Variants in MS4A4A observed in about 807,000 individuals in gnomAD.
The protein encoded by MS4A4A is membrane spanning 4-domains A4A, also known as membrane-spanning 4-domains subfamily A member 4A.
MS4A4A carries 26 observed loss-of-function variants against 28.0 expected under a neutral mutation model. The ratio of observed to expected loss-of-function variants is 0.93; its 90% confidence interval spans 0.68 to 1.29. The LOEUF is 1.29. MS4A4A is among the 50% of genes most tolerant of loss of function. The pLI is 0.00. For missense variants in MS4A4A, 290 were observed against 293.1 expected, an observed-to-expected ratio of 0.99 and a Z score of 0.08; for synonymous variants, 86 against 100.8, an observed-to-expected ratio of 0.85 and a Z score of 0.88.
intron 3 of MS4A4A, among the ~76,000 whole-genome samples, chr11:60,297,698 C>A (rs958673572): frequency 2.6e-5 from 4 of 152,130 alleles, no homozygotes; most frequent in Admixed American, 6.6e-5. Flanking sequence ...CAGACCACAT[C>A]AGAGGGGAGA....
chr11:60,304,349 T>C (rs1319145203), intron 5 of MS4A4A, among the ~76,000 whole-genome samples: 1 of 152,254 alleles, frequency 6.6e-6, no homozygotes. Flanking sequence ...CTTGATCTAA[T>C]GCTCTGCTGT....
At chr11:60,283,596 T>C (rs955804732) in intron 1 of MS4A4A, among the ~76,000 whole-genome samples, 3 of 152,216 alleles carry the variant, frequency 2.0e-5, no homozygotes, top group Non-Finnish European at 4.4e-5. Context: ...GTCTTCTATT[T>C]AGGTCTTCTA....
intron 1 of MS4A4A, among the ~76,000 whole-genome samples, chr11:60,286,499 A>G (rs533793497): frequency 1.3e-5 from 2 of 152,298 alleles, no homozygotes; most frequent in South Asian, 4.1e-4. Flanking sequence ...TGTCCATGAA[A>G]TCTTCACAAT....
At chr11:60,288,221 G>A (rs1011466926) in intron 1 of MS4A4A, among the ~76,000 whole-genome samples, 6 of 152,196 alleles carry the variant, frequency 3.9e-5, no homozygotes, top group African/African-American at 4.8e-5. Context: ...ACTAGGTGGC[G>A]AAAGCCATGC....
At chr11:60,285,278 A>T (rs2084794234) in intron 1 of MS4A4A, among the ~76,000 whole-genome samples, 1 of 152,176 alleles carries the variant, frequency 6.6e-6, no homozygotes, top group African/African-American at 2.4e-5. Context: ...CTGAGACGGG[A>T]AGATCACTTG....
intron 1 of MS4A4A, among the ~76,000 whole-genome samples, chr11:60,283,103 A>G (rs1473634317): frequency 6.6e-6 from 1 of 152,128 alleles, no homozygotes; most frequent in Non-Finnish European, 1.5e-5. Context: ...AAACTATCAG[A>G]TATTTTTGAG....
At position 60,306,199 on chromosome 11, in the gene MS4A4A, G is replaced by A. The variant is rs1294895251; in HGVS notation, c.646G>A (p.Gly216Arg). ...GCKVLCCTPG[G>R]VVLILPSHSH... is the part of the protein sequence containing the mutation. ...TAAAGTGCTCTGTTGTACCCCTGGT[G>A]GGGTGAGTATTGGCCTTCATTTGAA... Residue 216 changes from glycine to arginine, a missense_variant and splice_region_variant, in exon 6 of 7, where the codon GGG becomes AGG. By Grantham distance (125) the Gly-to-Arg change is moderately radical. Transcript: ENST00000337908. 1 of 1,610,274 alleles carries A rather than the reference G, an allele frequency of 6.2e-7. No individual in the cohort carries two copies. The highest frequency in any genetic ancestry group is 8.5e-7 in the Non-Finnish European group (1 of 1,176,570).
chr11:60,291,049 A>G (rs2135017132), intron 1 of MS4A4A, among the ~76,000 whole-genome samples: 1 of 152,344 alleles, frequency 6.6e-6, no homozygotes, highest in South Asian at 2.1e-4. Flanking sequence ...CTAAAAATTT[A>G]TGGAAGTTGA....
rs2135030953 is a variant in MS4A4A, at chr11:60,302,572, T to A, written c.401T>A (p.Leu134Gln). Residue 134 changes from leucine (L) to glutamine (Q), a missense_variant, in exon 5 of 7, where the codon CTA becomes CAA. Physicochemically the swap from Leu to Gln is moderately radical, Grantham distance 113 (BLOSUM62 -2). Transcript: ENST00000337908. ...RTTKGLVRGS[L>Q]GMNITSSVLA... is the part of the protein sequence containing the mutation. ...ATTCCTTTCTAGGTCCGAGGTAGTC[T>A]AGGAATGAATATCACCAGCTCTGTA... 6.2e-7 allele frequency: 1 copy of A among 1,614,060 alleles called. No homozygotes were observed. The highest frequency in any genetic ancestry group is 8.5e-7 in the Non-Finnish European group (1 of 1,179,986).
At chr11:60,296,249 T>C (rs375457305) in intron 2 of MS4A4A, among the ~76,000 whole-genome samples, 55 of 152,156 alleles carry the variant, frequency 3.6e-4, no homozygotes, top group East Asian at 2.7e-3. Flanking sequence ...TATCAAACTG[T>C]GGGCGTAGAA....
At chr11:60,306,255 A>G (rs2085000352) in intron 6 of MS4A4A, 54 bp downstream of exon 6, 1 of 1,329,096 alleles carries the variant, frequency 7.5e-7, no homozygotes, top group Non-Finnish European at 1.1e-6. Context: ...ATTGCTGTGT[A>G]ATCGATTACA....
intron 2 of MS4A4A, 47 bp downstream of exon 2, chr11:60,292,431 T>A: frequency 6.6e-7 from 1 of 1,524,650 alleles, no homozygotes; most frequent in South Asian, 1.3e-5. Flanking sequence ...CAAACTCATA[T>A]TTCATAAGAC....
chr11:60,297,311 T>TG lies in MS4A4A; in HGVS notation c.321dup (p.Ser108ValfsTer17). ...TTCCGTGTATATCGGGTACACAATT[T>TG]GGGGGTCAGTAATGGTGAGTAGAGT... On this transcript the variant is annotated frameshift_variant, in exon 3 of 7. Transcript: ENST00000337908. LOFTEE classifies it high-confidence loss of function. 2 of 1,613,382 alleles carry TG rather than the reference T, an allele frequency of 1.2e-6. No individual in the cohort carries two copies. Among genetic ancestry groups the TG allele is most frequent in the Admixed American group, 1.7e-5 (1 of 60,004 alleles).
At chr11:60,300,356 C>A (rs1409594373) in intron 3 of MS4A4A, among the ~76,000 whole-genome samples, 1 of 152,030 alleles carries the variant, frequency 6.6e-6, no homozygotes, top group South Asian at 2.1e-4. Context: ...GTGGCTCACG[C>A]CTGTAATCCC....
chr11:60,282,184 T>C (rs971106637), intron 1 of MS4A4A, among the ~76,000 whole-genome samples: 4 of 152,204 alleles, frequency 2.6e-5, no homozygotes, highest in Admixed American at 1.3e-4. Flanking sequence ...ATATAATTGC[T>C]CTGCCCTCGA....
chr11:60,287,232 T>C (rs1267290929), intron 1 of MS4A4A, among the ~76,000 whole-genome samples: 1 of 152,240 alleles, frequency 6.6e-6, no homozygotes, highest in African/African-American at 2.4e-5. Context: ...TAATTTATTA[T>C]AAAATTGTAT....
At chr11:60,292,768 C>A (rs141348389) in intron 2 of MS4A4A, among the ~76,000 whole-genome samples, 43 of 152,224 alleles carry the variant, frequency 2.8e-4, no homozygotes, top group African/African-American at 1.0e-3. Flanking sequence ...CTTTTCTTAG[C>A]CCCCTGCTCA....
chr11:60,301,210 G>T (rs1166162174), intron 4 of MS4A4A, among the ~76,000 whole-genome samples, 153 bp downstream of exon 4: 2 of 152,188 alleles, frequency 1.3e-5, no homozygotes, highest in African/African-American at 4.8e-5. Context: ...TTCAAAAACT[G>T]CAGTCAGGCT....
At position 60,292,340 on chromosome 11, in the gene MS4A4A, G is replaced by A; in HGVS notation, c.157G>A (p.Gly53Arg). The A allele has an allele frequency of 1.2e-6, 2 of 1,608,004 alleles. No homozygotes were observed. The highest frequency in any genetic ancestry group is 1.7e-6 in the Non-Finnish European group (2 of 1,177,538). The change falls in exon 2 of 7, where the codon GGA (glycine) becomes AGA (arginine). Residue 53 changes from glycine to arginine, a missense_variant. Coordinates refer to ENST00000337908, the MANE Select transcript of MS4A4A (RefSeq NM_148975.3). Reference sequence around the variant, plus strand: ...TGTCATACATTCACATCTGTGGAAAGGATTGCAAGAGAAGTTCTTGAAGGG... The same window carrying A: ...TGTCATACATTCACATCTGTGGAAAAGATTGCAAGAGAAGTTCTTGAAGGG... ...MAVIHSHLWK[G>R]LQEKFLKGEP...
Sources: allele counts gnomAD v4.1 joint callset (sites outside exome capture counted in the v4.1 genomes callset), GRCh38; gene constraint gnomAD v4.1.1; transcripts MANE v1.5; gene names NCBI Gene and HGNC (gene_info 2026-07-23, HGNC 2026-07-21).